The following AUTS2 variants were observed in gnomAD, a reference collection of about 807,000 sequenced individuals.
AUTS2 encodes the protein autism susceptibility gene 2 protein.
In AUTS2, 17 loss-of-function variants were observed where a neutral mutation model predicts 112.4. That is an observed-to-expected ratio of 0.15 (90% CI 0.10 to 0.23). The LOEUF (loss-of-function observed/expected upper bound fraction) is 0.23. AUTS2 is among the 10% of genes least tolerant of loss of function. The pLI is 1.00. For missense variants in AUTS2, 1,510 were observed against 1,701.6 expected (o/e 0.89, Z 1.98); for synonymous variants, 751 against 702.7 (o/e 1.07, Z -1.09).
chr7:70,008,908 C>A (rs1799665222), intron 2 of AUTS2, among the ~76,000 whole-genome samples: 1 of 151,990 alleles, frequency 6.6e-6, no homozygotes. Flanking sequence ...GTATATATGG[C>A]CCATATAGAT....
chr7:70,074,454 T>A (rs1802930533), intron 2 of AUTS2, among the ~76,000 whole-genome samples: 1 of 152,204 alleles, frequency 6.6e-6, no homozygotes, highest in South Asian at 2.1e-4. Context: ...ACTGGCCACA[T>A]AAAAATGATT....
At chr7:70,069,324 G>A (rs1294294196) in intron 2 of AUTS2, among the ~76,000 whole-genome samples, 1 of 152,132 alleles carries the variant, frequency 6.6e-6, no homozygotes, top group East Asian at 1.9e-4. Context: ...GATGTGCCAA[G>A]CAAGATTGTA....
chr7:69,687,329 G>A (rs1290498487), intron 1 of AUTS2, among the ~76,000 whole-genome samples: 1 of 152,174 alleles, frequency 6.6e-6, no homozygotes, highest in Non-Finnish European at 1.5e-5. Flanking sequence ...TCATTCTTCT[G>A]GAGAATTGTG....
chr7:69,800,444 T>C (rs2129336470), intron 1 of AUTS2, among the ~76,000 whole-genome samples: 1 of 152,342 alleles, frequency 6.6e-6, no homozygotes, highest in Non-Finnish European at 1.5e-5. Context: ...TCCAAAGCAG[T>C]CCTTCTTTTT....
chr7:70,520,551 T>G (rs1444071365), intron 5 of AUTS2, among the ~76,000 whole-genome samples: 4 of 152,330 alleles, frequency 2.6e-5, no homozygotes, highest in Admixed American at 2.6e-4. Flanking sequence ...GATCACGCCT[T>G]AGATTATTCA....
intron 1 of AUTS2, among the ~76,000 whole-genome samples, chr7:69,650,366 A>G (rs1212103698): frequency 1.3e-5 from 2 of 152,234 alleles, no homozygotes; most frequent in Non-Finnish European, 1.5e-5. Flanking sequence ...TGCTGACATC[A>G]GAATTGCCAG....
chr7:70,093,215 G>T (rs770236509), intron 2 of AUTS2, among the ~76,000 whole-genome samples: 1 of 152,054 alleles, frequency 6.6e-6, no homozygotes, highest in Non-Finnish European at 1.5e-5. Flanking sequence ...ATCTCTCATC[G>T]TTTTCTTGCT....
At chr7:70,453,413 A>T (rs1038556638) in intron 5 of AUTS2, among the ~76,000 whole-genome samples, 6 of 152,234 alleles carry the variant, frequency 3.9e-5, no homozygotes, top group African/African-American at 1.4e-4. Flanking sequence ...GCAATGTAAC[A>T]TAGGATGTGT....
intron 4 of AUTS2, among the ~76,000 whole-genome samples, chr7:70,216,670 A>G (rs1166801804): frequency 6.6e-6 from 1 of 152,184 alleles, no homozygotes; most frequent in Non-Finnish European, 1.5e-5. Flanking sequence ...TAAGTGGGAT[A>G]ACTTTGAGGT....
intron 5 of AUTS2, among the ~76,000 whole-genome samples, chr7:70,674,163 A>C (rs1028414421): frequency 1.3e-5 from 2 of 152,180 alleles, no homozygotes; most frequent in African/African-American, 2.4e-5. Context: ...GCTGTGTGCT[A>C]AAGGGGCGGT....
intron 1 of AUTS2, among the ~76,000 whole-genome samples, chr7:69,689,820 G>T (rs1216049646): frequency 6.6e-6 from 1 of 151,078 alleles, no homozygotes; most frequent in Non-Finnish European, 1.5e-5. Context: ...TAGGATTACA[G>T]GCATGTGCCA....
intron 3 of AUTS2, among the ~76,000 whole-genome samples, chr7:70,132,747 C>T (rs1020442931): frequency 6.6e-5 from 10 of 152,026 alleles, no homozygotes; most frequent in Admixed American, 2.0e-4. Flanking sequence ...CTTTGGTATA[C>T]GATAAGATGA....
intron 2 of AUTS2, among the ~76,000 whole-genome samples, chr7:69,905,579 C>T (rs2129541316): frequency 6.6e-6 from 1 of 152,186 alleles, no homozygotes; most frequent in East Asian, 1.9e-4. Flanking sequence ...AGAGAGAGAC[C>T]ATTTCGCCTT....
chr7:69,682,570 C>T (rs1043242959), intron 1 of AUTS2, among the ~76,000 whole-genome samples: 2 of 152,178 alleles, frequency 1.3e-5, no homozygotes, highest in Non-Finnish European at 2.9e-5. Context: ...AATACTCATA[C>T]TCTTAAGGCT....
intron 1 of AUTS2, among the ~76,000 whole-genome samples, chr7:69,815,160 C>T (rs1584285106): frequency 6.6e-6 from 1 of 152,164 alleles, no homozygotes; most frequent in South Asian, 2.1e-4. Context: ...CATATCCTAT[C>T]TGTGTAGCTG....
At chr7:70,656,709 G>A (rs1806786560) in intron 5 of AUTS2, among the ~76,000 whole-genome samples, 1 of 152,200 alleles carries the variant, frequency 6.6e-6, no homozygotes, top group African/African-American at 2.4e-5. Context: ...ACACTGTCCT[G>A]TTTCTAGCAC....
At chr7:70,707,267 T>C (rs1175744970) in intron 6 of AUTS2, among the ~76,000 whole-genome samples, 1 of 152,196 alleles carries the variant, frequency 6.6e-6, no homozygotes, top group East Asian at 1.9e-4. Context: ...ATAGCTAGCA[T>C]TTATTGAGGA....
intron 1 of AUTS2, among the ~76,000 whole-genome samples, chr7:69,753,602 T>G (rs2129272907): frequency 6.6e-6 from 1 of 152,346 alleles, no homozygotes; most frequent in East Asian, 1.9e-4. Context: ...ATATGGGTAA[T>G]GTTTGTGAAC....
intron 4 of AUTS2, among the ~76,000 whole-genome samples, chr7:70,381,311 TC>T (rs1378504638): frequency 6.6e-6 from 1 of 152,208 alleles, no homozygotes; most frequent in Non-Finnish European, 1.5e-5. Context: ...ATGTCTTATA[TC>T]TTGATTGGAA....
Sources: allele counts gnomAD v4.1 joint callset (sites outside exome capture counted in the v4.1 genomes callset), GRCh38; gene constraint gnomAD v4.1.1; transcripts MANE v1.5; gene names NCBI Gene and HGNC (gene_info 2026-07-23, HGNC 2026-07-21).